Variants in DCC observed in about 807,000 individuals in gnomAD.
DCC encodes DCC netrin 1 receptor.
DCC carries 58 observed loss-of-function variants against 172.5 expected under a neutral mutation model. The observed-to-expected ratio is 0.34, with a 90% CI of 0.27 to 0.42. DCC has a LOEUF of 0.42. Among genes scored for constraint, DCC ranks in the 10% least tolerant of loss-of-function variants. The pLI is 1.00. For missense variants in DCC, 1,740 were observed against 1,791.0 expected, an observed-to-expected ratio of 0.97 and a Z score of 0.51; for synonymous variants, 709 against 644.5, an observed-to-expected ratio of 1.10 and a Z score of -1.52.
chr18:52,504,519 T>C (rs899458510), intron 1 of DCC, among the ~76,000 whole-genome samples: 2 of 152,122 alleles, frequency 1.3e-5, no homozygotes, highest in Non-Finnish European at 2.9e-5. Context: ...TAAACACAAG[T>C]AAAGCACAGT....
chr18:53,386,070 T>C lies in DCC; in HGVS notation c.2387T>C (p.Leu796Pro). The C allele has an allele frequency of 6.2e-7, 1 of 1,613,078 alleles. No homozygotes were observed. Among genetic ancestry groups the C allele is most frequent in the Non-Finnish European group, 8.5e-7 (1 of 1,179,046 alleles). Residue 796 changes from leucine (L) to proline (P), a missense_variant, in exon 16 of 29, where the codon CTA (leucine) becomes CCA (proline). Around this residue, in one of 2 missense-constraint regions of DCC, gnomAD observed 1,732 missense variants for 1,767.4 expected, o/e 0.98. Coordinates refer to ENST00000442544, the MANE Select transcript of DCC (RefSeq NM_005215.4). ...LESSSHYVIS[L>P]KAFNNAGEGV... is the part of the protein sequence containing the mutation. Reference sequence around the variant, plus strand: ...TCAAGTTCCCATTATGTAATCTCCCTAAAAGCTTTTAACAATGCCGGAGAA... The same window carrying C: ...TCAAGTTCCCATTATGTAATCTCCCCAAAAGCTTTTAACAATGCCGGAGAA...
chr18:52,924,003 C>T (rs2040163272), intron 4 of DCC, 146 bp downstream of exon 4: 1 of 698,426 alleles, frequency 1.4e-6, no homozygotes, highest in Non-Finnish European at 2.5e-6. Flanking sequence ...TGGCATGATA[C>T]AGTTATATGA....
intron 5 of DCC, among the ~76,000 whole-genome samples, chr18:53,032,333 G>C (rs2143964457): frequency 6.6e-6 from 1 of 152,208 alleles, no homozygotes; most frequent in Admixed American, 6.5e-5. Context: ...CTGGAAAATA[G>C]GTAGACCAAG....
chr18:53,471,942 G>A (rs1219325366), intron 25 of DCC, among the ~76,000 whole-genome samples: 1 of 151,816 alleles, frequency 6.6e-6, no homozygotes, highest in Non-Finnish European at 1.5e-5. Context: ...ATCTTTATAG[G>A]GGCAAGGATT....
intron 2 of DCC, among the ~76,000 whole-genome samples, chr18:52,787,963 A>G (rs2037689734): frequency 6.6e-6 from 1 of 152,186 alleles, no homozygotes; most frequent in Non-Finnish European, 1.5e-5. Context: ...CAAGTTGAAC[A>G]TGAGGTGAAA....
intron 1 of DCC, among the ~76,000 whole-genome samples, chr18:52,384,531 A>G (rs942111378): frequency 4.6e-5 from 7 of 152,150 alleles, no homozygotes; most frequent in Admixed American, 4.6e-4. Flanking sequence ...GATCACAAAA[A>G]AATTCCACAA....
chr18:52,592,251 C>T (rs540824931), intron 1 of DCC, among the ~76,000 whole-genome samples: 3 of 152,326 alleles, frequency 2.0e-5, no homozygotes, highest in Admixed American at 2.0e-4. Flanking sequence ...CAGATCAACA[C>T]TTCTCTAGGG....
intron 1 of DCC, among the ~76,000 whole-genome samples, chr18:52,625,039 C>G (rs2034547791): frequency 6.6e-6 from 1 of 152,108 alleles, no homozygotes; most frequent in African/African-American, 2.4e-5. Flanking sequence ...GCCTATTGTT[C>G]CTAGGCTACA....
chr18:52,378,320 A>C (rs531129605), intron 1 of DCC, among the ~76,000 whole-genome samples: 4 of 152,260 alleles, frequency 2.6e-5, no homozygotes, highest in South Asian at 4.1e-4. Flanking sequence ...GAAAAAAAAA[A>C]AACTAGAATT....
intron 5 of DCC, among the ~76,000 whole-genome samples, chr18:52,978,656 A>G (rs1313011136): frequency 6.6e-6 from 1 of 152,156 alleles, no homozygotes; most frequent in Non-Finnish European, 1.5e-5. Flanking sequence ...TGCAGGACTC[A>G]ATTCCAGAAG....
At chr18:52,807,180 C>A (rs551776884) in intron 2 of DCC, among the ~76,000 whole-genome samples, 1 of 152,086 alleles carries the variant, frequency 6.6e-6, no homozygotes, top group African/African-American at 2.4e-5. Context: ...GGTGACAGAG[C>A]GAGACTGTCT....
At chr18:52,877,372 G>A (rs968392120) in intron 2 of DCC, among the ~76,000 whole-genome samples, 1 of 147,736 alleles carries the variant, frequency 6.8e-6, no homozygotes. Flanking sequence ...AGGAGGGTGT[G>A]TGTGTGTGTT....
chr18:52,733,000 C>G (rs938908968), intron 1 of DCC, among the ~76,000 whole-genome samples: 1 of 152,076 alleles, frequency 6.6e-6, no homozygotes, highest in Non-Finnish European at 1.5e-5. Flanking sequence ...AATGCTAAGT[C>G]AATCTTCTGT....
At chr18:52,344,230 A>G (rs532363775) in intron 1 of DCC, among the ~76,000 whole-genome samples, 1 of 152,314 alleles carries the variant, frequency 6.6e-6, no homozygotes, top group South Asian at 2.1e-4. Flanking sequence ...AATCCTACCT[A>G]AATTCCTGAA....
chr18:53,156,863 T>C (rs527902912), intron 7 of DCC, among the ~76,000 whole-genome samples: 2 of 152,348 alleles, frequency 1.3e-5, no homozygotes, highest in African/African-American at 4.8e-5. Flanking sequence ...CAACCTCTGC[T>C]TCATTCCAGA....
intron 1 of DCC, among the ~76,000 whole-genome samples, chr18:52,648,972 C>G (rs2035069777): frequency 6.6e-6 from 1 of 152,116 alleles, no homozygotes; most frequent in Admixed American, 6.5e-5. Flanking sequence ...TATGCAATCC[C>G]CCTTCCCCCA....
chr18:52,848,412 A>T (rs892883995), intron 2 of DCC, among the ~76,000 whole-genome samples: 2 of 151,942 alleles, frequency 1.3e-5, no homozygotes, highest in Non-Finnish European at 1.5e-5. Flanking sequence ...TTTGATTTTT[A>T]CTTCTCATCA....
At chr18:53,341,188 C>T (rs927377705) in intron 15 of DCC, among the ~76,000 whole-genome samples, 5 of 152,166 alleles carry the variant, frequency 3.3e-5, no homozygotes, top group African/African-American at 4.8e-5. Context: ...CCATCTTTGA[C>T]AGTTCATCTT....
At chr18:53,360,008 G>A (rs2057927848) in intron 15 of DCC, among the ~76,000 whole-genome samples, 1 of 151,984 alleles carries the variant, frequency 6.6e-6, no homozygotes, top group African/African-American at 2.4e-5. Context: ...TTGTTTTGAG[G>A]GTGCTGGGAG....
Sources: allele counts gnomAD v4.1 joint callset (sites outside exome capture counted in the v4.1 genomes callset), GRCh38; gene constraint gnomAD v4.1.1; regional missense constraint gnomAD v4.1.1; transcripts MANE v1.5; gene names NCBI Gene and HGNC (gene_info 2026-07-23, HGNC 2026-07-21).